TNS3: variants seen among roughly 807,000 people sequenced by gnomAD.
TNS3 encodes the protein tensin 3.
Under a neutral mutation model 140.9 loss-of-function variants are expected in TNS3, and 45 were observed. The observed-to-expected ratio is 0.32, with a 90% CI of 0.25 to 0.41. The LOEUF (loss-of-function observed/expected upper bound fraction) is 0.41, where lower values mean the gene tolerates loss of function less well. Among genes scored for constraint, TNS3 ranks in the 10% least tolerant of loss-of-function variants. The pLI is 1.00. For synonymous variants in TNS3, 815 were observed against 788.4 expected (o/e 1.03, Z -0.56); for missense variants, 1,716 against 1,906.7 (o/e 0.90, Z 1.86).
intron 25 of TNS3, 39 bp downstream of exon 25, chr7:47,293,694 G>C (rs768174559): frequency 6.3e-7 from 1 of 1,579,030 alleles, no homozygotes; most frequent in Admixed American, 1.7e-5. Context: ...CAGGCCTCAT[G>C]AGTTCAGAAC....
intron 13 of TNS3, among the ~76,000 whole-genome samples, chr7:47,402,599 ACCAC>A (rs1793224549): frequency 6.6e-6 from 1 of 152,090 alleles, no homozygotes; most frequent in Non-Finnish European, 1.5e-5. Context: ...CACTACACTG[ACCAC>A]CCATCAAATG....
chr7:47,416,281 T>C lies in TNS3; in HGVS notation c.474-1075A>G, dbSNP rs138757020. On this transcript the variant is annotated intron_variant, in intron 10 of 30. Coordinates refer to ENST00000311160, the MANE Select transcript of TNS3 (RefSeq NM_022748.12). ...GCCAGCACCTACAACCATCCTACCC[T>C]AAGCCAGAAACGGCCATCATGGACC... 6.3e-3 allele frequency among the ~76,000 whole-genome samples: 961 copies of C among 152,352 alleles called. 5 individuals are homozygous for C. The highest frequency in any genetic ancestry group is 0.021 in the African/African-American group (891 of 41,584).
At chr7:47,559,263 C>A (rs780381819) in intron 1 of TNS3, among the ~76,000 whole-genome samples, 4 of 152,146 alleles carry the variant, frequency 2.6e-5, no homozygotes, top group African/African-American at 4.8e-5. Flanking sequence ...GGCAGAAGAA[C>A]TGCTTGAACC....
At chr7:47,579,966 C>T (rs1040901944) in intron 1 of TNS3, 4 of 399,180 alleles carry the variant, frequency 1.0e-5, no homozygotes, top group Non-Finnish European at 1.4e-5. Flanking sequence ...TTGCAAACAG[C>T]TCACTTTCAA....
intron 10 of TNS3, among the ~76,000 whole-genome samples, chr7:47,417,224 A>G (rs1794128308): frequency 1.3e-5 from 2 of 152,270 alleles, no homozygotes; most frequent in African/African-American, 4.8e-5. Flanking sequence ...TATGAGGGGC[A>G]AACAGCCATC....
chr7:47,302,794 C>T (rs980913838), intron 22 of TNS3, among the ~76,000 whole-genome samples, 156 bp downstream of exon 22: 12 of 152,146 alleles, frequency 7.9e-5, no homozygotes, highest in African/African-American at 2.2e-4. Flanking sequence ...TGGTTTTGGA[C>T]GAGGAAAATG....
chr7:47,350,294 C>T (rs1006220731), intron 17 of TNS3, among the ~76,000 whole-genome samples: 43 of 152,348 alleles, frequency 2.8e-4, no homozygotes, highest in Non-Finnish European at 5.3e-4. Context: ...GGGCAGCCAG[C>T]AAAGGCTTCA....
chr7:47,515,848 G>A (rs1584798445), intron 2 of TNS3, among the ~76,000 whole-genome samples: 1 of 152,144 alleles, frequency 6.6e-6, no homozygotes, highest in East Asian at 1.9e-4. Context: ...AACACTTTCT[G>A]GAGCTCCTCA....
chr7:47,567,132 C>T (rs914295228), intron 1 of TNS3, among the ~76,000 whole-genome samples: 1 of 151,708 alleles, frequency 6.6e-6, no homozygotes, highest in African/African-American at 2.4e-5. Flanking sequence ...AACTGCTTAT[C>T]CTGAATCTAA....
chr7:47,556,182 C>G (rs1040806205), intron 1 of TNS3, among the ~76,000 whole-genome samples: 1 of 152,224 alleles, frequency 6.6e-6, no homozygotes, highest in African/African-American at 2.4e-5. Flanking sequence ...CCCACATGCC[C>G]TCTTTTGTAG....
chr7:47,354,497 C>T (rs938740647), intron 17 of TNS3, among the ~76,000 whole-genome samples: 2 of 152,134 alleles, frequency 1.3e-5, no homozygotes, highest in Non-Finnish European at 2.9e-5. Flanking sequence ...TCTGGCTGCA[C>T]CCATGGCACA....
intron 4 of TNS3, among the ~76,000 whole-genome samples, chr7:47,473,262 A>C (rs939778695): frequency 6.6e-6 from 1 of 152,178 alleles, no homozygotes; most frequent in African/African-American, 2.4e-5. Context: ...GGCTCTTCTG[A>C]CCAAATGGAA....
intron 8 of TNS3, 130 bp from the exon 9 acceptor site, chr7:47,428,506 A>C: frequency 1.7e-6 from 1 of 586,822 alleles, no homozygotes; most frequent in Non-Finnish European, 2.6e-6. Context: ...AGCATTACCC[A>C]CAGCCTTCCT....
At chr7:47,492,440 C>T (rs1797849754) in intron 3 of TNS3, among the ~76,000 whole-genome samples, 1 of 152,254 alleles carries the variant, frequency 6.6e-6, no homozygotes, top group Admixed American at 6.5e-5. Flanking sequence ...CTGCAGCCAA[C>T]ATAGTCCAGG....
At position 47,303,542 on chromosome 7, in the gene TNS3, C is replaced by A. The variant is rs777993953; in HGVS notation, c.2865G>T (p.Lys955Asn). 5.0e-6 allele frequency: 8 copies of A among 1,603,232 alleles called. No individual in the cohort carries two copies. In the South Asian group the frequency reaches 7.8e-5, roughly 16 times the overall value. ...CGCTCCCCAGCAGGGAAACCATGGG[C>A]TTGGGGCTGCTCTCCACCCACTGGC... ...AERQWVESSPKPMVSLLGSGR... is the reference protein window; with the variant it reads ...AERQWVESSPNPMVSLLGSGR... Residue 955 changes from lysine (K) to asparagine (N), a missense_variant, in exon 22 of 31, where the codon AAG becomes AAT. Around this residue, in one of 3 missense-constraint regions of TNS3, gnomAD observed 1,163 missense variants for 1,182.1 expected, o/e 0.98. Coordinates refer to ENST00000311160, the MANE Select transcript of TNS3 (RefSeq NM_022748.12).
intron 1 of TNS3, among the ~76,000 whole-genome samples, chr7:47,571,373 A>T (rs541909390): frequency 1.3e-5 from 2 of 152,354 alleles, no homozygotes; most frequent in African/African-American, 2.4e-5. Flanking sequence ...GGGTTCCTGC[A>T]AAGCCTGCTC....
intron 17 of TNS3, among the ~76,000 whole-genome samples, chr7:47,360,565 C>T (rs1298670667): frequency 1.3e-5 from 2 of 152,164 alleles, no homozygotes; most frequent in African/African-American, 4.8e-5. Context: ...GTCCTAGGAC[C>T]TCACTCAGCT....
chr7:47,435,244 C>A, intron 8 of TNS3, 38 bp downstream of exon 8: 1 of 1,611,162 alleles, frequency 6.2e-7, no homozygotes, highest in South Asian at 1.1e-5. Flanking sequence ...AGGCTGAAGC[C>A]CAGCCAGACC....
intron 17 of TNS3, among the ~76,000 whole-genome samples, chr7:47,361,213 A>AAAAAAAAAAAAAAAAAAAAC (rs1425449483): frequency 1.4e-5 from 2 of 145,776 alleles, no homozygotes; most frequent in East Asian, 4.0e-4. Context: ...TGCCAAAAAA[A>AAAAAAAAAAAAAAAAAAAAC]AAAAAAAAAA....
Sources: gnomAD v4.1 joint callset for allele counts (sites outside exome capture counted in the v4.1 genomes callset) on GRCh38, gnomAD v4.1.1 for gene constraint, gnomAD v4.1.1 regional missense constraint, MANE v1.5 for transcripts, NCBI Gene and HGNC (gene_info 2026-07-23, HGNC 2026-07-21) for gene names.